GPHN: variants seen among roughly 807,000 people sequenced by gnomAD.
The protein encoded by GPHN is gephyrin.
In GPHN, 17 loss-of-function variants were observed where a neutral mutation model predicts 95.5. The observed-to-expected ratio is 0.18, with a 90% CI of 0.12 to 0.27. GPHN has a LOEUF of 0.27. GPHN is among the 10% of genes least tolerant of loss of function. The probability of loss-of-function intolerance (pLI) is 1.00; values close to 1 mark genes in which losing one functional copy is unlikely to be tolerated. For missense variants in GPHN, 660 were observed against 978.1 expected (o/e 0.67, Z 4.34); for synonymous variants, 320 against 322.5 (o/e 0.99, Z 0.08).
chr14:67,313,033 T>C, the GPHN span, among the ~76,000 whole-genome samples: 1 of 152,176 alleles, frequency 6.6e-6, no homozygotes, highest in African/African-American at 2.4e-5. Flanking sequence ...ATGACATTAA[T>C]TGGAGCATCA....
chr14:67,073,168 A>T (rs1283305792), intron 11 of GPHN, among the ~76,000 whole-genome samples: 1 of 152,184 alleles, frequency 6.6e-6, no homozygotes, highest in Non-Finnish European at 1.5e-5. Flanking sequence ...TCCAGGGTTC[A>T]AAAAGAAAAG....
intron 1 of GPHN, among the ~76,000 whole-genome samples, chr14:66,612,079 A>G (rs1273190701): frequency 6.6e-6 from 1 of 151,918 alleles, no homozygotes; most frequent in Non-Finnish European, 1.5e-5. Flanking sequence ...CCCAACACCA[A>G]TATGTGTATT....
chr14:67,689,952 A>T, the GPHN span: 1 of 388,506 alleles, frequency 2.6e-6, no homozygotes, highest in Non-Finnish European at 4.8e-6. Flanking sequence ...CTCAAAAAAA[A>T]AAAAAGTTAA....
chr14:66,563,163 C>G (rs1249730803), intron 1 of GPHN, among the ~76,000 whole-genome samples: 1 of 151,046 alleles, frequency 6.6e-6, no homozygotes, highest in African/African-American at 2.4e-5. Context: ...CTAGACCTCT[C>G]AAATAATAAC....
chr14:67,332,811 CAA>C, the GPHN span: 2 of 1,613,218 alleles, frequency 1.2e-6, no homozygotes, highest in Non-Finnish European at 1.7e-6. Context: ...ATTGAGAAGA[CAA>C]GAGAGATGGA....
intron 9 of GPHN, among the ~76,000 whole-genome samples, chr14:66,978,068 T>A (rs1027577865): frequency 3.3e-5 from 5 of 152,190 alleles, no homozygotes; most frequent in African/African-American, 9.7e-5. Context: ...TGAAAAGGAT[T>A]ATGTCTAAAA....
the GPHN span, among the ~76,000 whole-genome samples, chr14:67,269,399 G>A: frequency 2.6e-5 from 4 of 151,966 alleles, no homozygotes; most frequent in East Asian, 7.7e-4. Context: ...GAGTAGAATC[G>A]CTGATATGGT....
At chr14:67,313,592 G>A in the GPHN span, among the ~76,000 whole-genome samples, 9 of 152,074 alleles carry the variant, frequency 5.9e-5, no homozygotes, top group Non-Finnish European at 1.0e-4. Context: ...ATAAGCTATC[G>A]GAGAAGGCAA....
intron 4 of GPHN, among the ~76,000 whole-genome samples, chr14:66,864,919 G>A (rs1403447422): frequency 6.6e-6 from 1 of 152,124 alleles, no homozygotes; most frequent in Non-Finnish European, 1.5e-5. Context: ...TCTACACAAT[G>A]GAATTCTATT....
intron 5 of GPHN, among the ~76,000 whole-genome samples, chr14:66,899,928 T>C (rs1177811587): frequency 2.6e-5 from 4 of 151,906 alleles, no homozygotes; most frequent in Admixed American, 6.6e-5. Flanking sequence ...TTACTATAAA[T>C]TGAATTTTCT....
the GPHN span, chr14:67,659,663 A>G: frequency 6.8e-7 from 1 of 1,468,642 alleles, no homozygotes; most frequent in Non-Finnish European, 9.1e-7. Context: ...TACCCCAACA[A>G]TATAGTTAAT....
intron 1 of GPHN, among the ~76,000 whole-genome samples, chr14:66,560,857 G>T (rs1056978525): frequency 2.6e-5 from 4 of 151,964 alleles, no homozygotes; most frequent in Non-Finnish European, 5.9e-5. Context: ...TTGCCCATTC[G>T]GTATGATATC....
chr14:67,346,291 G>C, the GPHN span, among the ~76,000 whole-genome samples: 1 of 152,114 alleles, frequency 6.6e-6, no homozygotes, highest in Non-Finnish European at 1.5e-5. Flanking sequence ...GGAAATACAA[G>C]TGCCAAAAGA....
At chr14:66,594,260 A>G (rs1426348710) in intron 1 of GPHN, among the ~76,000 whole-genome samples, 1 of 152,076 alleles carries the variant, frequency 6.6e-6, no homozygotes, top group Non-Finnish European at 1.5e-5. Context: ...TACAGATTCC[A>G]TGCAACCCCC....
the GPHN span, chr14:67,729,311 AG>A: frequency 2.5e-6 from 4 of 1,600,818 alleles, no homozygotes; most frequent in Non-Finnish European, 2.5e-6. Context: ...ACGGCACGGG[AG>A]GGGGCGCAGA....
the GPHN span, among the ~76,000 whole-genome samples, chr14:67,479,360 G>A: frequency 9.4e-5 from 14 of 148,616 alleles, no homozygotes; most frequent in African/African-American, 2.3e-4. Context: ...AGCAGTGAGC[G>A]AGATCGTACC....
At chr14:67,005,310 T>G (rs550374927) in intron 9 of GPHN, among the ~76,000 whole-genome samples, 1 of 151,984 alleles carries the variant, frequency 6.6e-6, no homozygotes, top group South Asian at 2.1e-4. Context: ...TATTTAAGAT[T>G]TTTTAATAGT....
chr14:66,610,121 G>A (rs191876688), intron 1 of GPHN, among the ~76,000 whole-genome samples: 1 of 152,238 alleles, frequency 6.6e-6, no homozygotes, highest in Admixed American at 6.5e-5. Flanking sequence ...AGTGTTTTCA[G>A]AGGGCCAAGA....
the GPHN span, among the ~76,000 whole-genome samples, chr14:67,344,012 CCT>C: frequency 1.3e-5 from 2 of 152,150 alleles, no homozygotes; most frequent in Non-Finnish European, 1.5e-5. Flanking sequence ...ACATCCTGTC[CCT>C]GAGTAAGGAA....
Sources: allele counts gnomAD v4.1 joint callset (sites outside exome capture counted in the v4.1 genomes callset), GRCh38; gene constraint gnomAD v4.1.1; transcripts MANE v1.5; gene names NCBI Gene and HGNC (gene_info 2026-07-23, HGNC 2026-07-21).